ADAMTS6: variants seen among roughly 807,000 people sequenced by gnomAD.
ADAMTS6 encodes the protein A disintegrin and metalloproteinase with thrombospondin motifs 6.
Under a neutral mutation model 144.3 loss-of-function variants are expected in ADAMTS6, and 23 were observed. The observed-to-expected ratio is 0.16, with a 90% confidence interval of 0.11 to 0.23. The LOEUF (loss-of-function observed/expected upper bound fraction) is 0.23. ADAMTS6 is among the 10% of genes least tolerant of loss of function. ADAMTS6 has a pLI of 1.00. For missense variants in ADAMTS6, 999 were observed against 1,379.6 expected (o/e 0.72, Z 4.37); for synonymous variants, 444 against 457.5 (o/e 0.97, Z 0.38).
At chr5:65,242,885 GA>G (rs1759316662) in intron 14 of ADAMTS6, among the ~76,000 whole-genome samples, 1 of 151,998 alleles carries the variant, frequency 6.6e-6, no homozygotes, top group South Asian at 2.1e-4. Context: ...TTAAGAGGGT[GA>G]AAAAAGGATT....
chr5:65,268,916 C>T (rs77005994), intron 12 of ADAMTS6, among the ~76,000 whole-genome samples: 2,373 of 152,232 alleles, frequency 0.016, 58 homozygotes, highest in African/African-American at 0.054. Flanking sequence ...TACCCCCTCC[C>T]TTTTAAAAAA....
chr5:65,303,388 T>G (rs996630962), intron 9 of ADAMTS6, among the ~76,000 whole-genome samples: 3 of 152,092 alleles, frequency 2.0e-5, no homozygotes, highest in African/African-American at 7.2e-5. Flanking sequence ...CAGAGATAAA[T>G]GCAATAATTG....
chr5:65,459,761 A>G (rs1440313764), intron 4 of ADAMTS6, among the ~76,000 whole-genome samples: 1 of 152,180 alleles, frequency 6.6e-6, no homozygotes, highest in Non-Finnish European at 1.5e-5. Flanking sequence ...GCTCAGTGCT[A>G]ACACTACTTT....
intron 10 of ADAMTS6, among the ~76,000 whole-genome samples, chr5:65,298,151 C>CCT (rs1743022640): frequency 6.6e-6 from 1 of 152,062 alleles, no homozygotes; most frequent in African/African-American, 2.4e-5. Flanking sequence ...AGTGTCTTAG[C>CCT]CTCAGTATGC....
intron 7 of ADAMTS6, among the ~76,000 whole-genome samples, chr5:65,409,327 G>C (rs1222671453): frequency 5.4e-5 from 7 of 128,840 alleles, no homozygotes; most frequent in Non-Finnish European, 1.1e-4. Context: ...TATCACCACT[G>C]ATCCCACAGA....
chr5:65,185,102 C>T (rs1268654423), intron 22 of ADAMTS6, among the ~76,000 whole-genome samples: 1 of 152,208 alleles, frequency 6.6e-6, no homozygotes, highest in African/African-American at 2.4e-5. Context: ...ACCGCCTGCT[C>T]TTCCGCTGGG....
intron 12 of ADAMTS6, among the ~76,000 whole-genome samples, chr5:65,266,871 A>G (rs2112623448): frequency 6.6e-6 from 1 of 152,082 alleles, no homozygotes; most frequent in Non-Finnish European, 1.5e-5. Flanking sequence ...GTAAACATCA[A>G]TGTAGTATAT....
intron 22 of ADAMTS6, among the ~76,000 whole-genome samples, chr5:65,184,658 C>A (rs971776526): frequency 1.3e-5 from 2 of 152,166 alleles, no homozygotes; most frequent in Non-Finnish European, 2.9e-5. Flanking sequence ...GAGCTACTTG[C>A]CCAGTGAGGG....
intron 11 of ADAMTS6, among the ~76,000 whole-genome samples, chr5:65,284,634 T>C (rs1009108128): frequency 2.0e-5 from 3 of 152,128 alleles, no homozygotes; most frequent in Non-Finnish European, 4.4e-5. Flanking sequence ...GGAACAAATA[T>C]GGCACTCAAC....
At chr5:65,472,606 T>C (rs1248090640) in intron 2 of ADAMTS6, among the ~76,000 whole-genome samples, 1 of 152,160 alleles carries the variant, frequency 6.6e-6, no homozygotes, top group Non-Finnish European at 1.5e-5. Flanking sequence ...CCATCTACCT[T>C]CTTAGCTGTA....
At chr5:65,312,147 A>G (rs145843515) in intron 9 of ADAMTS6, among the ~76,000 whole-genome samples, 67 of 152,174 alleles carry the variant, frequency 4.4e-4, no homozygotes, top group African/African-American at 1.5e-3. Flanking sequence ...CAGTTTCCTC[A>G]TGCTGTTTAA....
chr5:65,411,848 G>A (rs1721512197), intron 7 of ADAMTS6, among the ~76,000 whole-genome samples: 1 of 152,108 alleles, frequency 6.6e-6, no homozygotes, highest in Non-Finnish European at 1.5e-5. Flanking sequence ...GTGCTCTTTA[G>A]TTCCCTTTAC....
At chr5:65,309,946 C>T (rs1196657575) in intron 9 of ADAMTS6, among the ~76,000 whole-genome samples, 1 of 151,988 alleles carries the variant, frequency 6.6e-6, no homozygotes, top group African/African-American at 2.4e-5. Flanking sequence ...ATCTGTGTCC[C>T]TGCTCAGATT....
At chr5:65,292,393 T>G (rs1423673455) in intron 10 of ADAMTS6, among the ~76,000 whole-genome samples, 2 of 151,948 alleles carry the variant, frequency 1.3e-5, no homozygotes, top group Non-Finnish European at 2.9e-5. Context: ...TGTGTTTTTT[T>G]TTTTTTTTTC....
chr5:65,442,385 C>T (rs962125862), intron 7 of ADAMTS6, among the ~76,000 whole-genome samples: 1 of 152,084 alleles, frequency 6.6e-6, no homozygotes, highest in Non-Finnish European at 1.5e-5. Flanking sequence ...TATTATTAAA[C>T]AATTTTAACT....
intron 7 of ADAMTS6, among the ~76,000 whole-genome samples, chr5:65,352,722 C>T (rs1198153596): frequency 1.3e-5 from 2 of 152,094 alleles, no homozygotes; most frequent in Non-Finnish European, 2.9e-5. Flanking sequence ...GCTCATCTCT[C>T]ATAATCCAGT....
chr5:65,214,576 A>C lies in ADAMTS6; in HGVS notation c.2575+218T>G. 1 of 640,860 alleles carries C rather than the reference A, an allele frequency of 1.6e-6. No individual in the cohort carries two copies. The highest frequency in any genetic ancestry group is 2.7e-6 in the Non-Finnish European group (1 of 372,438). 39.7% of individuals were successfully genotyped at this position (640,860 alleles called of 1,614,324 possible). On this transcript the variant is annotated intron_variant, in intron 20 of 24. Transcript: ENST00000381055. This position sits in a 1 kb window ranked among gnomAD's most constrained non-coding sequence, Gnocchi z 4.6. ...ACCAGCAGAGACACTCATTGTGCCA[A>C]GATGTATTTTACCAACAAATCTGCA... is the stretch of plus-strand genomic sequence containing the variant.
chr5:65,223,183 T>C (rs1041603225), intron 18 of ADAMTS6, among the ~76,000 whole-genome samples: 1 of 151,990 alleles, frequency 6.6e-6, no homozygotes, highest in Non-Finnish European at 1.5e-5. Context: ...TCATACTTTC[T>C]TTTTTTTCCA....
At chr5:65,405,368 A>G (rs897245169) in intron 7 of ADAMTS6, among the ~76,000 whole-genome samples, 2 of 152,210 alleles carry the variant, frequency 1.3e-5, no homozygotes, top group African/African-American at 4.8e-5. Context: ...ACATATGGCT[A>G]GCCAGTTTTC....
Sources: allele counts gnomAD v4.1 joint callset (sites outside exome capture counted in the v4.1 genomes callset), GRCh38; gene constraint gnomAD v4.1.1; non-coding constraint Gnocchi (gnomAD v3.1); transcripts MANE v1.5; gene names NCBI Gene and HGNC (gene_info 2026-07-23, HGNC 2026-07-21).